The following CCDC68 variants were observed in gnomAD, a reference collection of about 807,000 sequenced individuals.
The protein encoded by CCDC68 is coiled-coil domain containing 68.
CCDC68 carries 45 observed loss-of-function variants against 47.1 expected under a neutral mutation model. The ratio of observed to expected loss-of-function variants is 0.96; its 90% CI spans 0.75 to 1.23. CCDC68 has a LOEUF of 1.23. CCDC68 is among the 50% of genes most tolerant of loss of function. CCDC68 has a pLI of 0.00. For missense variants in CCDC68, 353 were observed against 373.6 expected (o/e 0.94, Z 0.45); for synonymous variants, 131 against 129.5 (o/e 1.01, Z -0.08).
chr18:54,926,744 G>A (rs936254595), intron 8 of CCDC68, among the ~76,000 whole-genome samples: 2 of 152,208 alleles, frequency 1.3e-5, no homozygotes, highest in Non-Finnish European at 2.9e-5. Context: ...TCAAAATCTT[G>A]TATAGCAGAA....
chr18:54,913,600 G>C (rs1914488485), intron 10 of CCDC68, among the ~76,000 whole-genome samples: 1 of 152,062 alleles, frequency 6.6e-6, no homozygotes, highest in Non-Finnish European at 1.5e-5. Flanking sequence ...CCAGGAGTTT[G>C]AAACCAGGCC....
rs1278679009 is a variant in CCDC68 at position 54,901,528 on chromosome 18, A to C, written c.*2830T>G. On this transcript the variant is annotated 3_prime_UTR_variant, in exon 12 of 12. Transcript: ENST00000591504. ...ACTTAATTCATTTATGCATAATTTT[A>C]ATATAAAAAGAAAACCAAACAATTC... 1 of 152,214 alleles carries C rather than the reference A, an allele frequency of 6.6e-6. No individual in the cohort carries two copies. The highest frequency in any genetic ancestry group is 1.5e-5 in the Non-Finnish European group (1 of 68,034). The allele number at this position is 152,214 out of a possible 1,614,324, so 9.4% of individuals were successfully genotyped here.
In CCDC68 at chr18:54,935,012, C is replaced by T. The variant is rs1599068209; in HGVS notation, c.472-64G>A. 4.6e-6 allele frequency: 6 copies of T among 1,290,884 alleles called. No individual in the cohort carries two copies. In the East Asian group the frequency reaches 1.4e-4, roughly 30 times the overall value. The allele number at this position is 1,290,884 out of a possible 1,614,324, so 80.0% of individuals were successfully genotyped here. ...TTTTCTTAAACCTATACACATATTA[C>T]CTCTTTCTATAATTTTCTAATTAGC... is the stretch of plus-strand genomic sequence containing the variant. On this transcript the variant is annotated intron_variant, in intron 6 of 11. Transcript: ENST00000591504.
At chr18:54,942,542 A>G (rs2044455228) in intron 3 of CCDC68, 133 bp downstream of exon 3, 1 of 582,536 alleles carries the variant, frequency 1.7e-6, no homozygotes, top group Admixed American at 3.4e-5. Flanking sequence ...TCAGCTAGGA[A>G]GACTGTCCTT....
At position 54,904,275 on chromosome 18, in the gene CCDC68, T is replaced by C. The variant is rs911486606; in HGVS notation, c.*83A>G. 52 of 1,121,868 alleles carry C rather than the reference T, an allele frequency of 4.6e-5. No individual in the cohort carries two copies. The highest frequency in any genetic ancestry group is 6.8e-5 in the Non-Finnish European group (51 of 747,738). 69.5% of individuals were successfully genotyped at this position (1,121,868 alleles called of 1,614,324 possible). A position where few individuals can be genotyped will look rare whatever the true frequency, so the allele number is the denominator to read the frequency against. On this transcript the variant is annotated 3_prime_UTR_variant, in exon 12 of 12. Transcript: ENST00000591504. ...CCATTTAAATAATGGCATTTTGCCA[T>C]TTTAACATGAAACTTGGGCTGTGTT... is the stretch of plus-strand genomic sequence containing the variant.
At chr18:54,935,516 G>A (rs993582513) in intron 6 of CCDC68, among the ~76,000 whole-genome samples, 6 of 152,138 alleles carry the variant, frequency 3.9e-5, no homozygotes, top group African/African-American at 1.2e-4. Context: ...CATTTCACAG[G>A]GAAAAATAAG....
chr18:54,953,565 T>G (rs1298593327), intron 1 of CCDC68, among the ~76,000 whole-genome samples: 9 of 130,600 alleles, frequency 6.9e-5, no homozygotes, highest in East Asian at 2.4e-4. Context: ...GAGAGAGAGA[T>G]ACATAGATAG....
chr18:54,956,574 A>G (rs2044716356), intron 1 of CCDC68, among the ~76,000 whole-genome samples: 1 of 152,260 alleles, frequency 6.6e-6, no homozygotes, highest in East Asian at 1.9e-4. Flanking sequence ...ATCCTAGTTA[A>G]GCAATAAAAA....
chr18:54,956,421 T>C (rs979980445), intron 1 of CCDC68, among the ~76,000 whole-genome samples: 1 of 152,202 alleles, frequency 6.6e-6, no homozygotes, highest in African/African-American at 2.4e-5. Context: ...AAGCACCAAA[T>C]AAGAGGTTGG....
intron 8 of CCDC68, among the ~76,000 whole-genome samples, chr18:54,923,625 T>C (rs1437415303): frequency 6.6e-6 from 1 of 152,204 alleles, no homozygotes; most frequent in Non-Finnish European, 1.5e-5. Flanking sequence ...GTCATCCATT[T>C]AAGACCTTTA....
intron 6 of CCDC68, among the ~76,000 whole-genome samples, chr18:54,935,613 C>T (rs945788529): frequency 2.6e-5 from 4 of 152,200 alleles, no homozygotes; most frequent in African/African-American, 4.8e-5. Flanking sequence ...GGGATGCACA[C>T]TTCCCGTCCC....
At position 54,919,382 on chromosome 18, in the gene CCDC68, A is replaced by G. The variant is rs1181381021; in HGVS notation, c.684-6T>C. The stretch of plus-strand genomic sequence containing the variant: ...CCCTCTGAAGATCCTGGCAACTGGG[A>G]ATGCAAAGGGAAAAAGACCAAGAGA... On this transcript the variant is annotated splice_polypyrimidine_tract_variant and splice_region_variant and intron_variant, in intron 8 of 11. Coordinates refer to ENST00000591504, the MANE Select transcript of CCDC68 (RefSeq NM_025214.3). The G allele has an allele frequency of 6.2e-7, 1 of 1,601,250 alleles. No homozygotes were observed. The highest frequency in any genetic ancestry group is 1.7e-5 in the Admixed American group (1 of 60,002).
intron 7 of CCDC68, among the ~76,000 whole-genome samples, chr18:54,931,504 G>T (rs1431865397): frequency 6.6e-6 from 1 of 152,166 alleles, no homozygotes. Context: ...AGAGAAGACG[G>T]GGGCATAATG....
intron 7 of CCDC68, among the ~76,000 whole-genome samples, chr18:54,930,626 C>CT: frequency 2.0e-4 from 2 of 10,010 alleles, no homozygotes; most frequent in African/African-American, 2.8e-4. Context: ...CTTCCCTTCC[C>CT]CTCCCTCCCT....
intron 4 of CCDC68, among the ~76,000 whole-genome samples, chr18:54,938,961 GT>G (rs778215559): frequency 1.6e-4 from 25 of 152,306 alleles, no homozygotes; most frequent in Non-Finnish European, 2.6e-4. Flanking sequence ...ACACTGGAAG[GT>G]GCTAGGCCCT....
chr18:54,914,258 A>G (rs2043906419), intron 10 of CCDC68, among the ~76,000 whole-genome samples: 1 of 152,206 alleles, frequency 6.6e-6, no homozygotes, highest in Admixed American at 6.5e-5. Flanking sequence ...ATAAATGTTG[A>G]GAACATAAAG....
chr18:54,927,240 C>G (rs1215709025), intron 8 of CCDC68, among the ~76,000 whole-genome samples: 4 of 152,086 alleles, frequency 2.6e-5, no homozygotes, highest in Non-Finnish European at 5.9e-5. Flanking sequence ...ATTGCATAAG[C>G]CTGGATGTTG....
chr18:54,931,754 C>T (rs759221687), intron 7 of CCDC68, among the ~76,000 whole-genome samples: 5 of 152,138 alleles, frequency 3.3e-5, no homozygotes, highest in Non-Finnish European at 5.9e-5. Context: ...GCTAGCTTAT[C>T]ACTGTGCTTA....
Position 54,904,395 on chromosome 18 carries a change from A to G in CCDC68, c.971T>C (p.Val324Ala), listed in dbSNP as rs761942975. The G allele has an allele frequency of 1.1e-5, 17 of 1,613,470 alleles. No homozygotes were observed. In the East Asian group the frequency reaches 3.6e-4, roughly 34 times the overall value. ...VSTSELKTEG[V>A]SPYLMLIRLR... Reference sequence around the variant, plus strand: ...CCTAATCAACATTAAATAAGGGGAAACACCTTCGGTCTTCAATTCACTGTA... The same window carrying G: ...CCTAATCAACATTAAATAAGGGGAAGCACCTTCGGTCTTCAATTCACTGTA... Residue 324 changes from valine to alanine, a missense_variant, in exon 12 of 12, where the codon GTT (valine) becomes GCT (alanine). Transcript: ENST00000591504.
Sources: allele counts gnomAD v4.1 joint callset (sites outside exome capture counted in the v4.1 genomes callset), GRCh38; gene constraint gnomAD v4.1.1; transcripts MANE v1.5; gene names NCBI Gene and HGNC (gene_info 2026-07-23, HGNC 2026-07-21).